USP54: variants seen among roughly 807,000 people sequenced by gnomAD.
USP54 encodes ubiquitin specific peptidase 54.
In USP54, 87 loss-of-function variants were observed where a neutral mutation model predicts 170.5. The observed-to-expected ratio is 0.51, with a 90% CI of 0.43 to 0.61. The LOEUF (loss-of-function observed/expected upper bound fraction) is 0.61, where lower values mean the gene tolerates loss of function less well. USP54 is among the 20% of genes least tolerant of loss of function. The probability of loss-of-function intolerance (pLI) is 0.00; values close to 1 mark genes in which losing one functional copy is unlikely to be tolerated. For missense variants in USP54, 1,786 were observed against 2,047.8 expected (o/e 0.87, Z 2.47); for synonymous variants, 655 against 742.8 (o/e 0.88, Z 1.92).
rs555274589 is a variant in USP54, at chr10:73,614,595, G to A, written c.-18+10972C>T. ...AAAAAAAAAAAAAGGAAACACAGGC[G>A]TACATACATACATACACAAATGGTG... On this transcript the variant is annotated intron_variant, in intron 1 of 22. Coordinates refer to the USP54 transcript ENST00000339859. 2.2e-4 allele frequency among the ~76,000 whole-genome samples: 32 copies of A among 145,566 alleles called. 1 individual carries two copies. Among genetic ancestry groups the A allele is most frequent in the South Asian group, 6.4e-4 (3 of 4,710 alleles).
Position 73,625,283 on chromosome 10 carries a change from G to GA in USP54, c.-18+283dup, listed in dbSNP as rs563881148. 1.8e-3 allele frequency among the ~76,000 whole-genome samples: 257 copies of GA among 146,316 alleles called. 1 individual carries two copies. The highest frequency in any genetic ancestry group is 2.9e-3 in the Non-Finnish European group (195 of 67,610). On this transcript the variant is annotated intron_variant, in intron 1 of 22. Transcript: ENST00000339859. ...ATTATCCTACTCGTAGTTTCTCAGC[G>GA]AAAAGAACCTTCCCAACTAATACTA...
At chr10:73,564,317 T>C (rs985047822) in intron 4 of USP54, among the ~76,000 whole-genome samples, 4 of 152,184 alleles carry the variant, frequency 2.6e-5, no homozygotes, top group Admixed American at 2.6e-4. Context: ...CTGAAATTCT[T>C]ACTTTTGGTA....
chr10:73,574,327 AGAG>A (rs148761365), intron 3 of USP54, among the ~76,000 whole-genome samples: 6,378 of 152,280 alleles, frequency 0.042, 409 homozygotes, highest in African/African-American at 0.14. Context: ...GAGCTCAAAG[AGAG>A]GAGATAAGTT....
intron 4 of USP54, among the ~76,000 whole-genome samples, chr10:73,560,548 C>CA (rs1030786788): frequency 1.3e-5 from 2 of 149,574 alleles, no homozygotes; most frequent in African/African-American, 4.9e-5. Flanking sequence ...CCTGTAGTCC[C>CA]AGCTACTCAG....
chr10:73,524,515 G>C (rs2062508015), intron 16 of USP54, among the ~76,000 whole-genome samples: 1 of 152,198 alleles, frequency 6.6e-6, no homozygotes, highest in East Asian at 1.9e-4. Context: ...GGGAGGTGGA[G>C]GTTGCAGTGA....
intron 1 of USP54, among the ~76,000 whole-genome samples, chr10:73,597,928 T>C (rs901796982): frequency 2.6e-5 from 4 of 151,880 alleles, no homozygotes; most frequent in Non-Finnish European, 4.4e-5. Context: ...CTACTAAATA[T>C]ATAAAATTAG....
chr10:73,557,986 GATT>G (rs1261306953), intron 4 of USP54, among the ~76,000 whole-genome samples: 1 of 147,094 alleles, frequency 6.8e-6, no homozygotes, highest in East Asian at 2.1e-4. Context: ...GGGTTCAAGT[GATT>G]CTCCTGTCTC....
chr10:73,517,154 TG>T lies in USP54; in HGVS notation c.3271del (p.Gln1091ArgfsTer16). The T allele has an allele frequency of 6.2e-7, 1 of 1,614,232 alleles. No individual in the cohort carries two copies. Among genetic ancestry groups the T allele is most frequent in the Non-Finnish European group, 8.5e-7 (1 of 1,180,038 alleles). On this transcript the variant is annotated frameshift_variant, in exon 20 of 24. Coordinates refer to ENST00000687698, the MANE Select transcript of USP54 (RefSeq NM_001391956.1). LOFTEE classifies it high-confidence loss of function. ...SFVLHCPDPV[Q>X]KTNQCLQGQS... ...GCCTTGGAGGCATTGGTTAGTTTTCTGCACAGGATCAGGACAGTGAAGCACA... is the reference window on the plus strand; with the variant it reads ...GCCTTGGAGGCATTGGTTAGTTTTCTCACAGGATCAGGACAGTGAAGCACA...
rs996784817 is a variant in USP54 at position 73,498,520 on chromosome 10, C to T, written c.*109G>A. On this transcript the variant is annotated 3_prime_UTR_variant, in exon 24 of 24. Coordinates refer to ENST00000687698, the MANE Select transcript of USP54 (RefSeq NM_001391956.1). ...CAATCTCCTGACCTCGTGATCCACC[C>T]GCCTCAGCCTCCCAAAGTGCTGGGA... The T allele has an allele frequency of 1.2e-5, 13 of 1,108,658 alleles. No individual in the cohort carries two copies. The South Asian group carries it at 2.1e-4, about 18-fold the overall frequency. 68.7% of individuals were successfully genotyped at this position (1,108,658 alleles called of 1,614,324 possible). A position where few individuals can be genotyped will look rare whatever the true frequency, so the allele number is the denominator to read the frequency against.
chr10:73,554,654 C>T (rs2070505956), intron 4 of USP54, among the ~76,000 whole-genome samples: 2 of 152,172 alleles, frequency 1.3e-5, no homozygotes, highest in Admixed American at 1.3e-4. Flanking sequence ...TAAATCAACT[C>T]CCTTTATTTA....
intron 1 of USP54, among the ~76,000 whole-genome samples, chr10:73,603,485 C>T (rs113762712): frequency 2.0e-5 from 3 of 152,070 alleles, no homozygotes; most frequent in Non-Finnish European, 2.9e-5. Context: ...GTGGCCAAGG[C>T]GGGCAGATCA....
At chr10:73,570,091 C>A (rs1054263243) in intron 4 of USP54, among the ~76,000 whole-genome samples, 14 of 151,756 alleles carry the variant, frequency 9.2e-5, no homozygotes. Context: ...CGATCACATC[C>A]AAACATCCCT....
chr10:73,572,030 A>G (rs1476683763), intron 3 of USP54, among the ~76,000 whole-genome samples: 1 of 152,208 alleles, frequency 6.6e-6, no homozygotes. Flanking sequence ...GGAAAAAAAT[A>G]TGATATTAAC....
At chr10:73,623,310 C>G (rs898368101) in intron 1 of USP54, among the ~76,000 whole-genome samples, 1 of 152,120 alleles carries the variant, frequency 6.6e-6, no homozygotes, top group Non-Finnish European at 1.5e-5. Context: ...AGCTTGGGCC[C>G]AGGAGGTTGA....
At chr10:73,560,467 A>G (rs1293005395) in intron 4 of USP54, among the ~76,000 whole-genome samples, 1 of 150,598 alleles carries the variant, frequency 6.6e-6, no homozygotes, top group Non-Finnish European at 1.5e-5. Flanking sequence ...CATCCTGGCT[A>G]ACATGGTGAA....
intron 4 of USP54, among the ~76,000 whole-genome samples, chr10:73,570,959 G>A (rs547057859): frequency 1.5e-4 from 23 of 151,972 alleles, no homozygotes; most frequent in Admixed American, 7.9e-4. Context: ...CCAACATGGC[G>A]AAACCCCGTC....
rs370190640 is a variant in USP54 at position 73,530,222 on chromosome 10, C to A, written c.1749G>T (p.Leu583=). 4.6e-5 allele frequency: 74 copies of A among 1,614,150 alleles called. No homozygotes were observed. In the East Asian group the frequency reaches 1.0e-3, roughly 23 times the overall value. Reference sequence around the variant, plus strand: ...CCTTACTAAAGATACTGTCAATATTCAGAGATTCTCGTTTGGGTCTCCATG... The same window carrying A: ...CCTTACTAAAGATACTGTCAATATTAAGAGATTCTCGTTTGGGTCTCCATG... ...RPTWRPKRES[L]NIDSIFSKDK... Residue 583 remains leucine (L), a synonymous_variant, in exon 14 of 24, where the codon CTG becomes CTT. Coordinates refer to ENST00000687698, the MANE Select transcript of USP54 (RefSeq NM_001391956.1).
At position 73,523,663 on chromosome 10, in the gene USP54, C is replaced by T. The variant is rs191833589; in HGVS notation, c.2282G>A (p.Arg761Gln). The change falls in exon 17 of 24, where the codon CGG (arginine) becomes CAG (glutamine). Residue 761 changes from arginine (R) to glutamine (Q), a missense_variant. Around this residue, in one of 3 missense-constraint regions of USP54, gnomAD observed 1,418 missense variants for 1,569.0 expected, o/e 0.90. Transcript: ENST00000687698. Reference sequence around the variant, plus strand: ...TTTCGCTGCCTCTAACTCCTTCTCCCGTTTTCTTCGAAGTTCCTGTTCCTG... The same window carrying T: ...TTTCGCTGCCTCTAACTCCTTCTCCTGTTTTCTTCGAAGTTCCTGTTCCTG... ...RAQEQELRRK[R>Q]EKELEAAKGF... The T allele has an allele frequency of 1.5e-5, 24 of 1,613,946 alleles. No individual in the cohort carries two copies. The highest frequency in any genetic ancestry group is 1.2e-4 in the African/African-American group (9 of 75,028).
In USP54 at chr10:73,498,951, C is replaced by T. The variant is rs1464766601; in HGVS notation, c.4733G>A (p.Gly1578Asp). 6.2e-7 allele frequency: 1 copy of T among 1,614,122 alleles called. No individual in the cohort carries two copies. Among genetic ancestry groups the T allele is most frequent in the Non-Finnish European group, 8.5e-7 (1 of 1,180,034 alleles). Residue 1578 changes from glycine to aspartate, a missense_variant, in exon 24 of 24, where the codon GGC becomes GAC. Transcript: ENST00000687698. ...YTATLPERSK[G>D]LQVPHTQSWS... Reference sequence around the variant, plus strand: ...GGACTGAGTGTGAGGAACCTGAAGGCCCTTGCTTCTTTCTGGTAGTGTGGC... The same window carrying T: ...GGACTGAGTGTGAGGAACCTGAAGGTCCTTGCTTCTTTCTGGTAGTGTGGC...
Sources: gnomAD v4.1 joint callset for allele counts (sites outside exome capture counted in the v4.1 genomes callset) on GRCh38, gnomAD v4.1.1 for gene constraint, gnomAD v4.1.1 regional missense constraint, MANE v1.5 for transcripts, NCBI Gene and HGNC (gene_info 2026-07-23, HGNC 2026-07-21) for gene names.